Variants in FAM120B observed in about 807,000 individuals in gnomAD.
FAM120B encodes constitutive coactivator of peroxisome proliferator-activated receptor gamma.
FAM120B carries 83 observed loss-of-function variants against 96.3 expected under a neutral mutation model. The ratio of observed to expected loss-of-function variants is 0.86; its 90% CI spans 0.72 to 1.03. The LOEUF is 1.03. Among genes scored for constraint, FAM120B ranks in the 50% least tolerant of loss-of-function variants. The pLI, the probability that FAM120B is intolerant of heterozygous loss-of-function variation, is 0.00. For synonymous variants in FAM120B, 407 were observed against 402.7 expected (o/e 1.01, Z -0.13); for missense variants, 1,027 against 1,121.2 (o/e 0.92, Z 1.20).
chr6:170,300,962 A>G (rs1224410178), intron 1 of FAM120B, among the ~76,000 whole-genome samples: 2 of 152,146 alleles, frequency 1.3e-5, no homozygotes, highest in African/African-American at 4.8e-5. Flanking sequence ...TGCACTTTGC[A>G]AGCTGTTGGT....
At chr6:170,333,517 CTTTT>C (rs568919700) in intron 4 of FAM120B, among the ~76,000 whole-genome samples, 1 of 138,216 alleles carries the variant, frequency 7.2e-6, no homozygotes. Context: ...TGAGCCTCAT[CTTTT>C]TTTTTTTTTT....
Position 170,370,095 on chromosome 6 carries a change from G to A in FAM120B, c.2283+11777G>A, listed in dbSNP as rs1328410408. ...CTCTTTTAAACCCATTCTGTGAGTCGGCAGAAATTTATCGCAGAGACATTG... is the reference window on the plus strand; with the variant it reads ...CTCTTTTAAACCCATTCTGTGAGTCAGCAGAAATTTATCGCAGAGACATTG... On this transcript the variant is annotated intron_variant, in intron 6 of 10. Transcript: ENST00000476287. This position sits in a 1 kb window ranked among gnomAD's most constrained non-coding sequence, Gnocchi z 4.3. Among the ~76,000 whole-genome samples, 9 of 152,042 alleles carry A rather than the reference G, an allele frequency of 5.9e-5. No individual in the cohort carries two copies. Among genetic ancestry groups the A allele is most frequent in the South Asian group, 2.1e-4 (1 of 4,816 alleles).
chr6:170,353,234 G>A (rs1024076540), intron 5 of FAM120B, among the ~76,000 whole-genome samples: 21 of 152,014 alleles, frequency 1.4e-4, no homozygotes, highest in African/African-American at 5.1e-4. Flanking sequence ...AATGAGTTCT[G>A]AAATTAAGGC....
At chr6:170,381,454 TTAAA>T (rs1404928974) in intron 6 of FAM120B, among the ~76,000 whole-genome samples, 1 of 152,108 alleles carries the variant, frequency 6.6e-6, no homozygotes, top group Non-Finnish European at 1.5e-5. Flanking sequence ...TACCATATGT[TTAAA>T]GAAGAATTAA....
Position 170,299,662 on chromosome 6 carries a change from G to A in FAM120B, c.48+4209G>A, listed in dbSNP as rs79394597. On this transcript the variant is annotated intron_variant, in intron 1 of 10. Transcript: ENST00000537664. ...TTAAAGTGGGAGGACCAGTTCTGTA[G>A]GAATTATTCCTTCTTGGATGGAAGC... is the stretch of plus-strand genomic sequence containing the variant. Among the ~76,000 whole-genome samples the A allele has an allele frequency of 4.7e-3, 722 of 152,318 alleles. 8 individuals carry two copies. The highest frequency in any genetic ancestry group is 0.017 in the African/African-American group (690 of 41,572).
At chr6:170,309,042 G>C (rs1784447707) in intron 1 of FAM120B, among the ~76,000 whole-genome samples, 1 of 152,174 alleles carries the variant, frequency 6.6e-6, no homozygotes, top group African/African-American at 2.4e-5. Context: ...TTGATGTTAA[G>C]AAGGATAGTC....
At chr6:170,366,413 G>T (rs1788799074) in intron 6 of FAM120B, among the ~76,000 whole-genome samples, 1 of 152,190 alleles carries the variant, frequency 6.6e-6, no homozygotes, top group African/African-American at 2.4e-5. Flanking sequence ...CCGGGAAGGG[G>T]AATGGCAAGT....
At chr6:170,312,753 T>C (rs1406360721) in intron 1 of FAM120B, among the ~76,000 whole-genome samples, 1 of 152,198 alleles carries the variant, frequency 6.6e-6, no homozygotes, top group African/African-American at 2.4e-5. Flanking sequence ...AGGAAGATTT[T>C]ACTCAAGACT....
intron 3 of FAM120B, among the ~76,000 whole-genome samples, chr6:170,325,880 G>A (rs1785560066): frequency 6.6e-6 from 1 of 151,520 alleles, no homozygotes; most frequent in African/African-American, 2.4e-5. Flanking sequence ...TGGTTGATCT[G>A]GGGGTCTGTT....
chr6:170,381,973 A>G (rs1789931553), intron 6 of FAM120B, among the ~76,000 whole-genome samples: 2 of 152,072 alleles, frequency 1.3e-5, no homozygotes, highest in Non-Finnish European at 2.9e-5. Flanking sequence ...TGTCCTCACC[A>G]CTCTTATTCA....
At chr6:170,381,847 A>T (rs562349177) in intron 6 of FAM120B, among the ~76,000 whole-genome samples, 3 of 152,154 alleles carry the variant, frequency 2.0e-5, no homozygotes, top group Non-Finnish European at 4.4e-5. Flanking sequence ...AATGGAGGAG[A>T]TCTTTCTCAA....
chr6:170,404,685 T>C (rs1219628359), intron 10 of FAM120B, 78 bp from the exon 11 acceptor site: 1 of 1,057,956 alleles, frequency 9.5e-7, no homozygotes, highest in Non-Finnish European at 1.5e-6. Flanking sequence ...AGTACCAAAG[T>C]AAACAGAACT....
chr6:170,358,260 T>C lies in FAM120B; in HGVS notation c.2225T>C (p.Phe742Ser), dbSNP rs751035379. The change falls in exon 6 of 11, where the codon TTT (phenylalanine) becomes TCT (serine). Residue 742 changes from phenylalanine (F) to serine (S), a missense_variant. Phe to Ser is a radical substitution (Grantham distance 155). Around this residue, in one of 3 missense-constraint regions of FAM120B, gnomAD observed 880 missense variants for 980.9 expected, o/e 0.90. Coordinates refer to ENST00000476287, the MANE Select transcript of FAM120B (RefSeq NM_032448.3). ...DTLCLEDLHA[F>S]IAQALCLQGK... ...CTTTGCCTGGAGGATTTGCATGCGTTTATTGCGCAGGCCTTGTGCCTCCAA... is the reference window on the plus strand; with the variant it reads ...CTTTGCCTGGAGGATTTGCATGCGTCTATTGCGCAGGCCTTGTGCCTCCAA... 6.2e-7 allele frequency: 1 copy of C among 1,606,968 alleles called. No individual in the cohort carries two copies. The highest frequency in any genetic ancestry group is 1.7e-5 in the Admixed American group (1 of 59,628).
At chr6:170,325,627 G>T (rs1329011565) in intron 3 of FAM120B, among the ~76,000 whole-genome samples, 2 of 151,896 alleles carry the variant, frequency 1.3e-5, no homozygotes, top group African/African-American at 4.8e-5. Flanking sequence ...GATCACCTGA[G>T]GTCAGGAGTT....
chr6:170,386,453 A>G (rs1790192142), intron 6 of FAM120B, among the ~76,000 whole-genome samples: 1 of 152,246 alleles, frequency 6.6e-6, no homozygotes, highest in South Asian at 2.1e-4. Flanking sequence ...ATACCAATAC[A>G]TTTGAAACTT....
intron 6 of FAM120B, among the ~76,000 whole-genome samples, 177 bp downstream of exon 6, chr6:170,358,495 G>A (rs1369176181): frequency 6.6e-6 from 1 of 152,252 alleles, no homozygotes; most frequent in African/African-American, 2.4e-5. Context: ...TGAGCAGCCA[G>A]ATGAGGTACT....
At chr6:170,308,461 G>A (rs900140739) in intron 1 of FAM120B, among the ~76,000 whole-genome samples, 1 of 152,046 alleles carries the variant, frequency 6.6e-6, no homozygotes, top group South Asian at 2.1e-4. Flanking sequence ...AACTACAGTA[G>A]GTGACATCTG....
At chr6:170,376,094 T>C (rs73790942) in intron 6 of FAM120B, among the ~76,000 whole-genome samples, 118 of 152,210 alleles carry the variant, frequency 7.8e-4, no homozygotes, top group African/African-American at 2.7e-3. Flanking sequence ...TGGCAGGTCA[T>C]GTTCAGGAAG....
upstream of FAM120B, among the ~76,000 whole-genome samples, chr6:170,303,783 T>C (rs1306884105): frequency 2.6e-5 from 4 of 152,358 alleles, no homozygotes; most frequent in East Asian, 7.7e-4. Flanking sequence ...ATTACATATT[T>C]ATTCACAGCC....
Sources: allele counts gnomAD v4.1 joint callset (sites outside exome capture counted in the v4.1 genomes callset), GRCh38; gene constraint gnomAD v4.1.1; regional missense constraint gnomAD v4.1.1; non-coding constraint Gnocchi (gnomAD v3.1); transcripts MANE v1.5; gene names NCBI Gene and HGNC (gene_info 2026-07-23, HGNC 2026-07-21).